RANBP17: variants seen among roughly 807,000 people sequenced by gnomAD.
RANBP17 encodes RAN binding protein 17, also known as ran-binding protein 17.
Under a neutral mutation model 141.2 loss-of-function variants are expected in RANBP17, and 158 were observed. The ratio of observed to expected loss-of-function variants is 1.12; its 90% confidence interval spans 0.98 to 1.28. The LOEUF is 1.28. Among genes scored for constraint, RANBP17 ranks in the 50% most tolerant of loss-of-function variants. The pLI, the probability that RANBP17 is intolerant of heterozygous loss-of-function variation, is 0.00. For missense variants in RANBP17, 1,438 were observed against 1,290.7 expected (o/e 1.11, Z -1.75); for synonymous variants, 430 against 450.0 (o/e 0.96, Z 0.56).
intron 14 of RANBP17, among the ~76,000 whole-genome samples, chr5:171,165,025 CA>C (rs1332258552): frequency 6.6e-6 from 1 of 152,174 alleles, no homozygotes; most frequent in Non-Finnish European, 1.5e-5. Context: ...GCCTTCTCTT[CA>C]AAAGGTGTTA....
intron 3 of RANBP17, among the ~76,000 whole-genome samples, chr5:170,886,938 T>G (rs1769217711): frequency 1.3e-5 from 2 of 152,000 alleles, no homozygotes; most frequent in African/African-American, 4.8e-5. Context: ...GCTGGGATTA[T>G]AGGTGTGAGC....
At chr5:171,176,838 C>A (rs945808354) in intron 16 of RANBP17, among the ~76,000 whole-genome samples, 3 of 152,176 alleles carry the variant, frequency 2.0e-5, no homozygotes, top group African/African-American at 7.2e-5. Context: ...CTGTTTCTGA[C>A]CTTCCCACCA....
At chr5:170,974,988 C>T (rs754138056) in intron 14 of RANBP17, among the ~76,000 whole-genome samples, 2 of 152,106 alleles carry the variant, frequency 1.3e-5, no homozygotes, top group Admixed American at 1.3e-4. Flanking sequence ...GAATGAGAGA[C>T]AGCCCCAAGG....
intron 14 of RANBP17, among the ~76,000 whole-genome samples, chr5:171,016,171 C>G (rs1240643551): frequency 6.8e-6 from 1 of 147,776 alleles, no homozygotes; most frequent in Non-Finnish European, 1.5e-5. Flanking sequence ...TCTTAGGGAT[C>G]ACTGCTTTTT....
At chr5:171,269,984 C>G (rs749549458) in intron 25 of RANBP17, among the ~76,000 whole-genome samples, 6 of 152,134 alleles carry the variant, frequency 3.9e-5, no homozygotes, top group Non-Finnish European at 8.8e-5. Flanking sequence ...TTTTTCCCCC[C>G]AACCTGGTCC....
chr5:170,863,549 A>G (rs1766995018), intron 1 of RANBP17: 2 of 152,242 alleles, frequency 1.3e-5, no homozygotes, highest in Admixed American at 6.5e-5. Context: ...TCAGGTCAAA[A>G]TAATGTATTA....
chr5:171,015,635 T>G (rs1482200068), intron 14 of RANBP17, among the ~76,000 whole-genome samples: 1 of 152,198 alleles, frequency 6.6e-6, no homozygotes, highest in Non-Finnish European at 1.5e-5. Flanking sequence ...AATTTTTATA[T>G]TGGATTGCAG....
intron 1 of RANBP17, among the ~76,000 whole-genome samples, chr5:170,862,319 G>A (rs908193807): frequency 6.6e-6 from 1 of 152,190 alleles, no homozygotes; most frequent in African/African-American, 2.4e-5. Flanking sequence ...CAGGCCCAGG[G>A]CTCGTCCCGG....
chr5:170,932,426 C>G (rs907235876), intron 12 of RANBP17, among the ~76,000 whole-genome samples: 2 of 152,170 alleles, frequency 1.3e-5, no homozygotes, highest in East Asian at 1.9e-4. Flanking sequence ...TTGCCCTGGT[C>G]AGAACATCCA....
At chr5:171,183,454 A>G in intron 18 of RANBP17, 24 bp downstream of exon 18, 1 of 1,464,386 alleles carries the variant, frequency 6.8e-7, no homozygotes, top group Non-Finnish European at 9.6e-7. Flanking sequence ...TTTAAACTCA[A>G]TTAATAAGGG....
chr5:170,929,379 T>A (rs1440981988), intron 12 of RANBP17, among the ~76,000 whole-genome samples: 1 of 152,190 alleles, frequency 6.6e-6, no homozygotes, highest in Non-Finnish European at 1.5e-5. Flanking sequence ...TTGAAGACGT[T>A]CATGAGTTTG....
At chr5:171,108,689 T>G (rs1755016498) in intron 14 of RANBP17, among the ~76,000 whole-genome samples, 1 of 152,152 alleles carries the variant, frequency 6.6e-6, no homozygotes, top group Admixed American at 6.6e-5. Context: ...TGGAATTACA[T>G]GCATGAGCCA....
chr5:170,975,216 G>A (rs1011126906), intron 14 of RANBP17, among the ~76,000 whole-genome samples: 1 of 152,096 alleles, frequency 6.6e-6, no homozygotes, highest in African/African-American at 2.4e-5. Context: ...GGGAAACCAA[G>A]CCATTATTTT....
chr5:171,170,256 A>G (rs1005333661), intron 15 of RANBP17, 53 bp downstream of exon 15: 17 of 924,548 alleles, frequency 1.8e-5, no homozygotes, highest in Non-Finnish European at 2.8e-5. Context: ...TTTAAATGTA[A>G]TAGATCTTTT....
At chr5:171,244,406 T>A (rs982860427) in intron 24 of RANBP17, among the ~76,000 whole-genome samples, 19 of 152,106 alleles carry the variant, frequency 1.2e-4, no homozygotes, top group Non-Finnish European at 1.6e-4. Context: ...GTATTTGTTT[T>A]CATTTTAGAC....
At chr5:171,288,814 G>A (rs1768316696) in intron 25 of RANBP17, among the ~76,000 whole-genome samples, 1 of 152,130 alleles carries the variant, frequency 6.6e-6, no homozygotes, top group African/African-American at 2.4e-5. Flanking sequence ...TAGAAATGAT[G>A]GTGCCCTGGC....
intron 14 of RANBP17, among the ~76,000 whole-genome samples, chr5:170,991,600 G>A (rs1371065716): frequency 1.3e-5 from 2 of 151,928 alleles, no homozygotes; most frequent in Non-Finnish European, 2.9e-5. Flanking sequence ...TCATCAGATA[G>A]ATCTCCAGCC....
chr5:170,866,215 T>C, intron 1 of RANBP17, among the ~76,000 whole-genome samples: 1 of 151,980 alleles, frequency 6.6e-6, no homozygotes, highest in East Asian at 1.9e-4. Context: ...CTATCAGGTA[T>C]GATATACATT....
At chr5:171,270,086 C>A (rs1766997301) in intron 25 of RANBP17, among the ~76,000 whole-genome samples, 1 of 152,136 alleles carries the variant, frequency 6.6e-6, no homozygotes, top group African/African-American at 2.4e-5. Context: ...AAGCATGAAC[C>A]CCCACATAAA....
Sources: gnomAD v4.1 joint callset for allele counts (sites outside exome capture counted in the v4.1 genomes callset) on GRCh38, gnomAD v4.1.1 for gene constraint, MANE v1.5 for transcripts, NCBI Gene and HGNC (gene_info 2026-07-23, HGNC 2026-07-21) for gene names.